The following RGS12 variants were observed in gnomAD, a reference collection of about 807,000 sequenced individuals.
The protein encoded by RGS12 is regulator of G protein signaling 12.
In RGS12, 66 loss-of-function variants were observed where a neutral mutation model predicts 120.1. That is an observed-to-expected ratio of 0.55 (90% CI 0.45 to 0.67). RGS12 has a LOEUF of 0.67. Among genes scored for constraint, RGS12 ranks in the 30% least tolerant of loss-of-function variants. RGS12 has a pLI of 0.00. For synonymous variants in RGS12, 827 were observed against 804.7 expected (o/e 1.03, Z -0.47); for missense variants, 1,859 against 1,957.7 (o/e 0.95, Z 0.95).
At chr4:3,406,352 C>T (rs1721120436) in intron 4 of RGS12, among the ~76,000 whole-genome samples, 1 of 152,246 alleles carries the variant, frequency 6.6e-6, no homozygotes, top group Non-Finnish European at 1.5e-5. Context: ...CTGCCTTCTA[C>T]AGCCTTTCCA....
chr4:3,416,899 C>T lies in RGS12; in HGVS notation c.2428-14C>T. The T allele has an allele frequency of 6.3e-7, 1 of 1,584,614 alleles. No individual in the cohort carries two copies. The highest frequency in any genetic ancestry group is 1.1e-5 in the South Asian group (1 of 88,728). The stretch of plus-strand genomic sequence containing the variant: ...TCCCTCCTGTGACTGTCCCACCTTA[C>T]ATCTTCTCCCCAGATCTTCAATCTC... On this transcript the variant is annotated splice_polypyrimidine_tract_variant and intron_variant, in intron 7 of 17. Transcript: ENST00000336727.
At chr4:3,434,086 G>C (rs1268211922) in intron 17 of RGS12, among the ~76,000 whole-genome samples, 1 of 152,174 alleles carries the variant, frequency 6.6e-6, no homozygotes, top group Non-Finnish European at 1.5e-5. Context: ...CCCAAGACTA[G>C]GTAATTTATA....
chr4:3,302,368 G>A (rs760501238), intron 1 of RGS12, among the ~76,000 whole-genome samples: 2 of 123,766 alleles, frequency 1.6e-5, no homozygotes, highest in East Asian at 2.8e-4. Flanking sequence ...GGCCCTGGCC[G>A]TTGTGGTCTG....
Position 3,389,991 on chromosome 4 carries a change from A to T in RGS12, c.2020+3554A>T, listed in dbSNP as rs551697155. Among the ~76,000 whole-genome samples the T allele has an allele frequency of 1.3e-5, 2 of 151,752 alleles. No homozygotes were observed. The highest frequency in any genetic ancestry group is 2.9e-5 in the Non-Finnish European group (2 of 67,932). On this transcript the variant is annotated intron_variant, in intron 4 of 17. Coordinates refer to ENST00000336727, the MANE Select transcript of RGS12 (RefSeq NM_001394154.1). This position sits in a 1 kb window ranked among gnomAD's most constrained non-coding sequence, Gnocchi z 5.2. ...TCAGCTGCCCCCCTACTCGTCCTCCATGCAGACCTCAGTCTTGGCCCTGTC... is the reference window on the plus strand; with the variant it reads ...TCAGCTGCCCCCCTACTCGTCCTCCTTGCAGACCTCAGTCTTGGCCCTGTC...
intron 3 of RGS12, among the ~76,000 whole-genome samples, chr4:3,353,055 C>T (rs934956505): frequency 4.6e-5 from 7 of 152,190 alleles, no homozygotes; most frequent in African/African-American, 9.6e-5. Context: ...CTCCAGAGTG[C>T]GTGTGGTGTG....
At chr4:3,410,448 G>C (rs976914071) in intron 4 of RGS12, among the ~76,000 whole-genome samples, 43 of 150,910 alleles carry the variant, frequency 2.8e-4, no homozygotes. Context: ...GCTGTTTCTG[G>C]TGCAGGGCGT....
chr4:3,410,354 A>T (rs1180666437), intron 4 of RGS12, among the ~76,000 whole-genome samples: 1 of 152,184 alleles, frequency 6.6e-6, no homozygotes, highest in Non-Finnish European at 1.5e-5. Context: ...TCAAGTGATC[A>T]TCCAGCCTGC....
chr4:3,313,896 CA>C (rs1236887139), intron 1 of RGS12, among the ~76,000 whole-genome samples: 1 of 152,162 alleles, frequency 6.6e-6, no homozygotes, highest in Non-Finnish European at 1.5e-5. Flanking sequence ...GTGGGTGTAT[CA>C]GGGGCCATCA....
intron 3 of RGS12, among the ~76,000 whole-genome samples, chr4:3,343,711 G>A (rs1468562918): frequency 6.6e-6 from 1 of 151,882 alleles, no homozygotes. Context: ...GTGTATCACC[G>A]AGAAAGCCGC....
At chr4:3,364,296 C>T (rs1040458307) in intron 3 of RGS12, among the ~76,000 whole-genome samples, 2 of 152,172 alleles carry the variant, frequency 1.3e-5, no homozygotes, top group Admixed American at 1.3e-4. Flanking sequence ...GTAACTGTGA[C>T]TTGGGGCCTC....
At chr4:3,438,467 CGGGGGCT>C (rs1560187065) in intron 17 of RGS12, among the ~76,000 whole-genome samples, 1 of 151,894 alleles carries the variant, frequency 6.6e-6, no homozygotes, top group African/African-American at 2.4e-5. Context: ...TCTCCCAGCA[CGGGGGCT>C]TCACTGCCCC....
rs143402639 is a variant in RGS12, at chr4:3,436,560, G to A, written c.4115-2895G>A. Among the ~76,000 whole-genome samples the A allele has an allele frequency of 7.1e-3, 1,082 of 152,296 alleles. 17 individuals carry two copies. The highest frequency in any genetic ancestry group is 0.031 in the Middle Eastern group (9 of 294). ...GGGTCTCGAAGGAGAGCCTGGGAGA[G>A]TTCAGGCCATGCCCCTGCCCCGGCC... On this transcript the variant is annotated intron_variant, in intron 17 of 17. Transcript: ENST00000336727.
At chr4:3,306,483 C>T (rs560969149) in intron 1 of RGS12, among the ~76,000 whole-genome samples, 1 of 152,370 alleles carries the variant, frequency 6.6e-6, no homozygotes, top group South Asian at 2.1e-4. Flanking sequence ...ACCCCTGTTT[C>T]ATCTAAATTT....
chr4:3,368,726 TGGG>T (rs535201405), intron 3 of RGS12, among the ~76,000 whole-genome samples: 2 of 37,944 alleles, frequency 5.3e-5, no homozygotes, highest in South Asian at 1.2e-3. Flanking sequence ...CTGTGTGTGT[TGGG>T]GGGTGCCTGT....
intron 1 of RGS12, among the ~76,000 whole-genome samples, chr4:3,296,116 C>T (rs923572258): frequency 6.6e-6 from 1 of 151,900 alleles, no homozygotes; most frequent in Non-Finnish European, 1.5e-5. Context: ...CTTCTGGGGG[C>T]TGGCCTCATT....
At chr4:3,399,371 G>A (rs182501946) in intron 4 of RGS12, among the ~76,000 whole-genome samples, 3 of 152,206 alleles carry the variant, frequency 2.0e-5, no homozygotes, top group African/African-American at 7.2e-5. Flanking sequence ...GCTTATGCCT[G>A]TAATCTCAGC....
chr4:3,394,607 A>G (rs1719863173), intron 4 of RGS12, among the ~76,000 whole-genome samples: 1 of 152,252 alleles, frequency 6.6e-6, no homozygotes. Flanking sequence ...TCGTGACACT[A>G]TTTAAACACT....
intron 7 of RGS12, among the ~76,000 whole-genome samples, 154 bp downstream of exon 7, chr4:3,416,275 T>G (rs1373042699): frequency 6.6e-6 from 1 of 151,608 alleles, no homozygotes; most frequent in Non-Finnish European, 1.5e-5. Flanking sequence ...GGGCTTTCAG[T>G]AGGGTAGAGA....
At position 3,391,096 on chromosome 4, in the gene RGS12, C is replaced by T. The variant is rs112089873; in HGVS notation, c.2020+4659C>T. On this transcript the variant is annotated intron_variant, in intron 4 of 17. Transcript: ENST00000336727. ...AGAAACAGAATGTTAATTTGTAATG[C>T]GCTATTGTGGGAGTGGTTGTTTTAA... Among the ~76,000 whole-genome samples the T allele has an allele frequency of 1.7e-4, 26 of 152,290 alleles. 1 individual carries two copies. Among genetic ancestry groups the T allele is most frequent in the African/African-American group, 4.8e-4 (20 of 41,558 alleles).
Sources: allele counts gnomAD v4.1 joint callset (sites outside exome capture counted in the v4.1 genomes callset), GRCh38; gene constraint gnomAD v4.1.1; non-coding constraint Gnocchi (gnomAD v3.1); transcripts MANE v1.5; gene names NCBI Gene and HGNC (gene_info 2026-07-23, HGNC 2026-07-21).